Variants in PRPSAP1 observed in about 807,000 individuals in gnomAD.
PRPSAP1 encodes the protein phosphoribosyl pyrophosphate synthetase associated protein 1.
In PRPSAP1, 31 loss-of-function variants were observed where a neutral mutation model predicts 39.4. The observed-to-expected ratio is 0.79, with a 90% CI of 0.59 to 1.06. The LOEUF (loss-of-function observed/expected upper bound fraction) is 1.06. Ranked by LOEUF, PRPSAP1 falls within the 50% of genes least tolerant of loss-of-function variation. The pLI is 0.00. For missense variants in PRPSAP1, 430 were observed against 511.6 expected (o/e 0.84, Z 1.54); for synonymous variants, 212 against 192.6 (o/e 1.10, Z -0.83).
At position 76,330,603 on chromosome 17, in the gene PRPSAP1, G is replaced by A. The variant is rs540634184; in HGVS notation, c.527C>T (p.Pro176Leu). Reference protein sequence around the residue: ...QKEIQGFFSFPVDNLRASPFL... With the variant: ...QKEIQGFFSFLVDNLRASPFL... Reference sequence around the variant, plus strand: ...AGGTGAGGCTCTAAGGTTGTCCACAGGAAAGCTGAAAAAGCCTTGTATTTC... The same window carrying A: ...AGGTGAGGCTCTAAGGTTGTCCACAAGAAAGCTGAAAAAGCCTTGTATTTC... Residue 176 changes from proline (P) to leucine (L), a missense_variant, in exon 5 of 10, where the codon CCT becomes CTT. Physicochemically the swap from Pro to Leu is moderately conservative, Grantham distance 98 (BLOSUM62 -3). This residue lies in a region of PRPSAP1 where 278 missense variants were observed against 376.3 expected (regional missense o/e 0.74). Coordinates refer to ENST00000446526, the MANE Select transcript of PRPSAP1 (RefSeq NM_002766.3). 2 of 1,613,338 alleles carry A rather than the reference G, an allele frequency of 1.2e-6. No homozygotes were observed. The highest frequency in any genetic ancestry group is 1.3e-5 in the African/African-American group (1 of 75,002).
chr17:76,353,702 ATCGTCCGGCCCGCGGCGCGGTT>A lies in PRPSAP1; in HGVS notation c.-21_1del. ...GGGCAACAGCAGCAGCTTCTTGGGC[ATCGTCCGGCCCGCGGCGCGGTT>A]ACGACCGGCCCCGCGCGGGGCTGCA... On this transcript the variant is annotated start_lost and 5_prime_UTR_variant, in exon 1 of 10. Coordinates refer to ENST00000446526, the MANE Select transcript of PRPSAP1 (RefSeq NM_002766.3). The A allele has an allele frequency of 2.0e-6, 3 of 1,471,988 alleles. No individual in the cohort carries two copies. Among genetic ancestry groups the A allele is most frequent in the Non-Finnish European group, 2.7e-6 (3 of 1,118,298 alleles). The allele number at this position is 1,471,988 out of a possible 1,614,324, so 91.2% of individuals were successfully genotyped here.
At chr17:76,347,773 G>A (rs960818840) in intron 2 of PRPSAP1, among the ~76,000 whole-genome samples, 14 of 152,110 alleles carry the variant, frequency 9.2e-5, no homozygotes, top group Admixed American at 9.2e-4. Flanking sequence ...GTTTTGGAAG[G>A]TGTCTAGCAA....
chr17:76,333,564 G>A (rs753963227), intron 3 of PRPSAP1, among the ~76,000 whole-genome samples: 161 of 151,942 alleles, frequency 1.1e-3, no homozygotes, highest in Non-Finnish European at 1.6e-3. Context: ...AGAATCTCTT[G>A]AACCTGGGAG....
In PRPSAP1 at chr17:76,328,787, G is replaced by C. The variant is rs1032327494; in HGVS notation, c.711C>G (p.Asp237Glu). Residue 237 changes from aspartate to glutamate, a missense_variant, in exon 7 of 10, where the codon GAC (aspartate) becomes GAG (glutamate). Physicochemically the swap from Asp to Glu is conservative, Grantham distance 45 (BLOSUM62 2). Around this residue, in one of 2 missense-constraint regions of PRPSAP1, gnomAD observed 278 missense variants for 376.3 expected, o/e 0.74. Transcript: ENST00000446526. Reference protein sequence around the residue: ...IHGEAQCTELDMDDGRHSPPM... With the variant: ...IHGEAQCTELEMDDGRHSPPM... ...GCGGGGAGTGACGACCATCGTCCAT[G>C]TCCAGTTCCGTGCACTGAGCTTCCC... 6.2e-7 allele frequency: 1 copy of C among 1,614,138 alleles called. No homozygotes were observed. The highest frequency in any genetic ancestry group is 1.3e-5 in the African/African-American group (1 of 75,038).
At chr17:76,352,679 GAAAA>G (rs1471972548) in intron 1 of PRPSAP1, among the ~76,000 whole-genome samples, 2 of 139,504 alleles carry the variant, frequency 1.4e-5, no homozygotes, top group Non-Finnish European at 3.1e-5. Flanking sequence ...AAAAGAAAAA[GAAAA>G]AGAAAAGAGG....
At chr17:76,352,329 T>C (rs1427631624) in intron 1 of PRPSAP1, among the ~76,000 whole-genome samples, 1 of 152,152 alleles carries the variant, frequency 6.6e-6, no homozygotes, top group Admixed American at 6.6e-5. Flanking sequence ...AGCTCTGGGA[T>C]TCTCCAAAAG....
chr17:76,345,498 T>G (rs909121326), intron 2 of PRPSAP1, among the ~76,000 whole-genome samples: 1 of 150,624 alleles, frequency 6.6e-6, no homozygotes, highest in East Asian at 2.0e-4. Context: ...TGGTGACAAG[T>G]GCCTGTAGTC....
At chr17:76,353,157 G>A (rs2071597873) in intron 1 of PRPSAP1, 1 of 189,038 alleles carries the variant, frequency 5.3e-6, no homozygotes, top group Non-Finnish European at 1.1e-5. Context: ...GCGGCGGTCA[G>A]ATTCCCAGGT....
intron 3 of PRPSAP1, 107 bp downstream of exon 3, chr17:76,344,564 T>A (rs1245279049): frequency 4.8e-6 from 5 of 1,041,782 alleles, no homozygotes; most frequent in Non-Finnish European, 7.1e-6. Flanking sequence ...ACGCCCGGCC[T>A]GAATATATAA....
At chr17:76,336,267 G>A (rs969112127) in intron 3 of PRPSAP1, among the ~76,000 whole-genome samples, 11 of 151,906 alleles carry the variant, frequency 7.2e-5, no homozygotes, top group African/African-American at 2.4e-4. Flanking sequence ...GTGAAAGCCC[G>A]TCTCTACTAA....
At chr17:76,340,419 T>C (rs73996342) in intron 3 of PRPSAP1, among the ~76,000 whole-genome samples, 5,026 of 151,844 alleles carry the variant, frequency 0.033, 378 homozygotes, top group African/African-American at 0.11. Context: ...TGATGATCCT[T>C]TGTTTGTCAA....
chr17:76,352,886 G>A (rs77362029), intron 1 of PRPSAP1, among the ~76,000 whole-genome samples: 3,453 of 152,178 alleles, frequency 0.023, 140 homozygotes, highest in African/African-American at 0.079. Flanking sequence ...GCATCTCAGA[G>A]CTGTCAGACC....
At chr17:76,349,818 G>C (rs1254008826) in intron 1 of PRPSAP1, among the ~76,000 whole-genome samples, 1 of 151,488 alleles carries the variant, frequency 6.6e-6, no homozygotes, top group Non-Finnish European at 1.5e-5. Flanking sequence ...AGGCGCAGTG[G>C]TTCATGCTTG....
rs530666401 is a variant in PRPSAP1 at position 76,324,589 on chromosome 17, G to A, written c.781+4128C>T. Among the ~76,000 whole-genome samples, 105 of 141,452 alleles carry A rather than the reference G, an allele frequency of 7.4e-4. 1 individual carries two copies. Among genetic ancestry groups the A allele is most frequent in the Middle Eastern group, 3.9e-3 (1 of 254 alleles). The allele number at this position is 141,452 out of a possible 152,430, so 92.8% of individuals were successfully genotyped here. ...GCACTCCAGCCTGGGCAACAAGAGC[G>A]AAAACTCCATCTCAAAAAAAAAAAA... is the stretch of plus-strand genomic sequence containing the variant. On this transcript the variant is annotated intron_variant, in intron 7 of 9. Coordinates refer to ENST00000446526, the MANE Select transcript of PRPSAP1 (RefSeq NM_002766.3).
intron 1 of PRPSAP1, among the ~76,000 whole-genome samples, chr17:76,351,822 C>T (rs560982775): frequency 4.2e-4 from 64 of 152,068 alleles, no homozygotes; most frequent in African/African-American, 1.5e-3. Context: ...CTAAAACAAA[C>T]AAACAAAAAA....
chr17:76,320,352 G>C (rs113359768), intron 7 of PRPSAP1, among the ~76,000 whole-genome samples: 2 of 99,186 alleles, frequency 2.0e-5, no homozygotes, highest in African/African-American at 4.6e-5. Flanking sequence ...AGGAAGGAAG[G>C]AAGAAAAAGG....
chr17:76,339,742 T>C (rs1282190405), intron 3 of PRPSAP1, among the ~76,000 whole-genome samples: 2 of 151,800 alleles, frequency 1.3e-5, no homozygotes. Flanking sequence ...CCTTTCCATG[T>C]TGACTTATGT....
intron 7 of PRPSAP1, among the ~76,000 whole-genome samples, chr17:76,320,264 GA>G (rs1300072721): frequency 5.0e-5 from 3 of 60,350 alleles, no homozygotes. Flanking sequence ...AAGAAAGAAA[GA>G]AAAGAAAGAA....
At chr17:76,315,759 G>C (rs1417490893) in intron 7 of PRPSAP1, among the ~76,000 whole-genome samples, 5 of 129,862 alleles carry the variant, frequency 3.9e-5, no homozygotes, top group Non-Finnish European at 7.7e-5. Context: ...CTGTCTCCCA[G>C]GCTGGAGTGC....
Sources: allele counts gnomAD v4.1 joint callset (sites outside exome capture counted in the v4.1 genomes callset), GRCh38; gene constraint gnomAD v4.1.1; regional missense constraint gnomAD v4.1.1; transcripts MANE v1.5; gene names NCBI Gene and HGNC (gene_info 2026-07-23, HGNC 2026-07-21).